ALMS1: variants seen among roughly 807,000 people sequenced by gnomAD.
ALMS1 encodes the protein ALMS1 centrosome and basal body associated protein.
ALMS1 carries 271 observed loss-of-function variants against 352.2 expected under a neutral mutation model. The observed-to-expected ratio is 0.77, with a 90% CI of 0.70 to 0.85. ALMS1 has a LOEUF of 0.85. ALMS1 is among the 40% of genes least tolerant of loss of function. The pLI is 0.00. For missense variants in ALMS1, 5,445 were observed against 4,870.7 expected (o/e 1.12, Z -3.51); for synonymous variants, 1,865 against 1,761.2 (o/e 1.06, Z -1.48).
In ALMS1 at chr2:73,450,024, A is replaced by G; in HGVS notation, c.3497A>G (p.Glu1166Gly). The G allele has an allele frequency of 1.2e-6, 2 of 1,614,012 alleles. No homozygotes were observed. Among genetic ancestry groups the G allele is most frequent in the Non-Finnish European group, 1.7e-6 (2 of 1,179,948 alleles). The change falls in exon 8 of 23, where the codon GAA (glutamate) becomes GGA (glycine). Residue 1166 changes from glutamate to glycine, a missense_variant. By Grantham distance (98) the Glu-to-Gly change is moderately conservative. Transcript: ENST00000613296. ...GCCTTGCCAGGTACTCATATACCTGAAGAGGCTCAGAAAGTTTCAGCTGTT... is the reference window on the plus strand; with the variant it reads ...GCCTTGCCAGGTACTCATATACCTGGAGAGGCTCAGAAAGTTTCAGCTGTT... ...QQALPGTHIP[E>G]EAQKVSAVTG... is the part of the protein sequence containing the mutation.
chr2:73,601,494 C>T, intron 19 of ALMS1, 58 bp downstream of exon 19: 1 of 1,589,826 alleles, frequency 6.3e-7, no homozygotes, highest in Non-Finnish European at 8.6e-7. Flanking sequence ...GGGCAAGGCG[C>T]AGAGAAGCTG....
Position 73,451,676 on chromosome 2 carries a change from A to T in ALMS1, c.5149A>T (p.Lys1717Ter). Residue 1717 changes from lysine to a stop codon, truncating the protein, a stop_gained, in exon 8 of 23, where the codon AAG becomes TAG. Transcript: ENST00000613296. LOFTEE classifies it high-confidence loss of function. ...CTCTAGTTTATACTCATATAGAGAG[A>T]AGCCCATTGTCTTCTACCAACAGGC... The part of the protein sequence containing the change: ...VSSSLYSYRE[K>*]PIVFYQQALP... 5.0e-6 allele frequency: 8 copies of T among 1,614,054 alleles called. No homozygotes were observed. Among genetic ancestry groups the T allele is most frequent in the Non-Finnish European group, 6.8e-6 (8 of 1,179,972 alleles).
intron 9 of ALMS1, among the ~76,000 whole-genome samples, chr2:73,466,506 G>T (rs1054882441): frequency 1.6e-5 from 2 of 125,844 alleles, no homozygotes; most frequent in Non-Finnish European, 3.3e-5. Context: ...AGGGGGGAGG[G>T]GGGAGGGATA....
rs748371743 is a variant in ALMS1, at chr2:73,449,008, C to T, written c.2481C>T (p.Asp827=). 4 of 1,613,944 alleles carry T rather than the reference C, an allele frequency of 2.5e-6. No homozygotes were observed. In the South Asian group the frequency reaches 4.4e-5, roughly 18 times the overall value. Residue 827 remains aspartate, a synonymous_variant, in exon 8 of 23, where the codon GAC becomes GAT. Transcript: ENST00000613296. ...LLVFYQQALL[D]SHLPEEALKV... The stretch of plus-strand genomic sequence containing the variant: ...TTTTCTACCAACAGGCCTTGCTGGA[C>T]AGCCATCTACCCGAAGAGGCTCTGA...
chr2:73,510,685 C>T (rs554761183), intron 10 of ALMS1, among the ~76,000 whole-genome samples: 3 of 152,150 alleles, frequency 2.0e-5, no homozygotes, highest in African/African-American at 7.2e-5. Flanking sequence ...CCAGGAGGCA[C>T]GGGGGTCAGG....
Position 73,491,393 on chromosome 2 carries a change from T to C in ALMS1, c.9434T>C (p.Ile3145Thr). ...ACTATTACTCAGGACTTGAAAACCA[T>C]ACCTTCTCAGAATAGCCAGATAGTA... ...SNTITQDLKT[I>T]PSQNSQIVTS... Residue 3145 changes from isoleucine (I) to threonine (T), a missense_variant, in exon 10 of 23, where the codon ATA (isoleucine) becomes ACA (threonine). Coordinates refer to ENST00000613296, the MANE Select transcript of ALMS1 (RefSeq NM_001378454.1). The C allele has an allele frequency of 6.2e-7, 1 of 1,614,146 alleles. No homozygotes were observed. The highest frequency in any genetic ancestry group is 8.5e-7 in the Non-Finnish European group (1 of 1,180,012).
At chr2:73,599,949 C>T (rs1433573051) in intron 17 of ALMS1, among the ~76,000 whole-genome samples, 2 of 152,152 alleles carry the variant, frequency 1.3e-5, no homozygotes, top group East Asian at 3.8e-4. Context: ...AGGTGTTCCT[C>T]AGTAGCTGAA....
intron 9 of ALMS1, among the ~76,000 whole-genome samples, chr2:73,479,136 G>A (rs549787748): frequency 5.3e-5 from 8 of 152,076 alleles, no homozygotes; most frequent in Non-Finnish European, 7.4e-5. Context: ...TTGTCCAGTG[G>A]TATTTAATTT....
At chr2:73,467,112 A>G (rs1672370572) in intron 9 of ALMS1, among the ~76,000 whole-genome samples, 1 of 32,996 alleles carries the variant, frequency 3.0e-5, no homozygotes, top group Non-Finnish European at 6.1e-5. Flanking sequence ...AAGAACAAAA[A>G]TACACTTCAT....
intron 12 of ALMS1, among the ~76,000 whole-genome samples, chr2:73,535,193 G>C (rs989076583): frequency 2.0e-5 from 3 of 152,084 alleles, no homozygotes; most frequent in Non-Finnish European, 2.9e-5. Flanking sequence ...GCTCCATCTA[G>C]GGCAAAGTTT....
intron 10 of ALMS1, among the ~76,000 whole-genome samples, chr2:73,500,280 T>A (rs1047548525): frequency 2.0e-5 from 3 of 152,222 alleles, no homozygotes; most frequent in African/African-American, 7.2e-5. Flanking sequence ...TTGTTCCAAG[T>A]CCATTCAGTT....
chr2:73,511,710 C>T (rs1373021108), intron 10 of ALMS1, among the ~76,000 whole-genome samples: 1 of 152,056 alleles, frequency 6.6e-6, no homozygotes, highest in Non-Finnish European at 1.5e-5. Context: ...GTGATTTTAC[C>T]TCTCAGGGAA....
chr2:73,589,251 C>T (rs1181067316), intron 16 of ALMS1, among the ~76,000 whole-genome samples: 3 of 151,794 alleles, frequency 2.0e-5, no homozygotes, highest in Non-Finnish European at 2.9e-5. Flanking sequence ...AAGGTGAATT[C>T]CCAAATTTCT....
intron 9 of ALMS1, among the ~76,000 whole-genome samples, chr2:73,460,075 T>C (rs939711203): frequency 6.6e-6 from 1 of 152,114 alleles, no homozygotes; most frequent in Admixed American, 6.5e-5. Context: ...TGTAACTCAC[T>C]TCCCTGATAG....
chr2:73,601,144 G>A (rs887966455), intron 18 of ALMS1, 51 bp from the exon 19 acceptor site: 16 of 1,612,600 alleles, frequency 9.9e-6, no homozygotes, highest in Non-Finnish European at 1.3e-5. Context: ...GCTGGGTGGG[G>A]CTGTAAAAAA....
chr2:73,450,509 A>G lies in ALMS1; in HGVS notation c.3982A>G (p.Ile1328Val), dbSNP rs1045211044. The G allele has an allele frequency of 3.1e-6, 5 of 1,610,860 alleles. No homozygotes were observed. Among genetic ancestry groups the G allele is most frequent in the Middle Eastern group, 1.7e-4 (1 of 6,044 alleles). The change falls in exon 8 of 23, where the codon ATT becomes GTT. Residue 1328 changes from isoleucine (I) to valine (V), a missense_variant. By Grantham distance (29) the Ile-to-Val change is conservative. Coordinates refer to ENST00000613296, the MANE Select transcript of ALMS1 (RefSeq NM_001378454.1). The stretch of plus-strand genomic sequence containing the variant: ...AGCTGACCAGAAGACTGTGATACCA[A>G]TTTTACCCTCTACTTTCTACTCACA... ...GPADQKTVIP[I>V]LPSTFYSHTE...
intron 9 of ALMS1, among the ~76,000 whole-genome samples, chr2:73,467,684 A>AT (rs997417278): frequency 1.2e-4 from 18 of 152,078 alleles, no homozygotes; most frequent in African/African-American, 4.3e-4. Context: ...TGAAAACTAC[A>AT]TAAATGTATA....
At chr2:73,477,762 T>C (rs995164582) in intron 9 of ALMS1, among the ~76,000 whole-genome samples, 1 of 152,188 alleles carries the variant, frequency 6.6e-6, no homozygotes, top group African/African-American at 2.4e-5. Flanking sequence ...TAAAAATTTA[T>C]TTTTGGATTG....
intron 10 of ALMS1, among the ~76,000 whole-genome samples, chr2:73,511,819 A>T (rs1572985647): frequency 6.6e-6 from 1 of 152,184 alleles, no homozygotes; most frequent in East Asian, 1.9e-4. Flanking sequence ...GGAATATCCT[A>T]GAATGCACAA....
Sources: gnomAD v4.1 joint callset for allele counts (sites outside exome capture counted in the v4.1 genomes callset) on GRCh38, gnomAD v4.1.1 for gene constraint, MANE v1.5 for transcripts, NCBI Gene and HGNC (gene_info 2026-07-23, HGNC 2026-07-21) for gene names.